The following SMOC2 variants were observed in gnomAD, a reference collection of about 807,000 sequenced individuals.
The protein encoded by SMOC2 is SPARC-related modular calcium-binding protein 2.
SMOC2 carries 39 observed loss-of-function variants against 61.4 expected under a neutral mutation model. The ratio of observed to expected loss-of-function variants is 0.64; its 90% CI spans 0.49 to 0.83. The LOEUF (loss-of-function observed/expected upper bound fraction) is 0.83, where lower values mean the gene tolerates loss of function less well. SMOC2 is among the 40% of genes least tolerant of loss of function. The pLI, the probability that SMOC2 is intolerant of heterozygous loss-of-function variation, is 0.00. For missense variants in SMOC2, 556 were observed against 592.9 expected, an observed-to-expected ratio of 0.94 and a Z score of 0.65; for synonymous variants, 247 against 239.9, an observed-to-expected ratio of 1.03 and a Z score of -0.27.
At chr6:168,529,284 T>A (rs560653756) in intron 4 of SMOC2, among the ~76,000 whole-genome samples, 3 of 152,152 alleles carry the variant, frequency 2.0e-5, no homozygotes, top group Non-Finnish European at 4.4e-5. Context: ...CCTTTGCATA[T>A]AGAAGTCTGG....
At chr6:168,658,999 G>A (rs1787401942) in intron 11 of SMOC2, among the ~76,000 whole-genome samples, 2 of 142,936 alleles carry the variant, frequency 1.4e-5, no homozygotes, top group Admixed American at 7.1e-5. Flanking sequence ...GTAAATATGG[G>A]GTGTGTGTGT....
intron 2 of SMOC2, among the ~76,000 whole-genome samples, chr6:168,523,010 A>G (rs1783365824): frequency 6.6e-6 from 1 of 151,564 alleles, no homozygotes. Flanking sequence ...AATGTGCTAC[A>G]TGCCACTGAA....
intron 1 of SMOC2, among the ~76,000 whole-genome samples, chr6:168,492,748 C>A (rs1782497180): frequency 6.6e-6 from 1 of 152,208 alleles, no homozygotes; most frequent in Non-Finnish European, 1.5e-5. Flanking sequence ...TGACCAGAGG[C>A]ACATACCTGT....
chr6:168,545,233 A>G (rs886367146), intron 5 of SMOC2, among the ~76,000 whole-genome samples: 1 of 150,502 alleles, frequency 6.6e-6, no homozygotes, highest in Non-Finnish European at 1.5e-5. Flanking sequence ...AATCCTGTTT[A>G]TTATGATATT....
intron 9 of SMOC2, among the ~76,000 whole-genome samples, chr6:168,624,796 G>A (rs9456253): frequency 8.8e-6 from 1 of 113,684 alleles, no homozygotes; most frequent in Non-Finnish European, 1.9e-5. Context: ...GATACACACA[G>A]ACACATGCAC....
intron 2 of SMOC2, among the ~76,000 whole-genome samples, chr6:168,512,905 AAAC>A (rs1235945074): frequency 1.3e-5 from 2 of 152,268 alleles, no homozygotes; most frequent in Non-Finnish European, 2.9e-5. Context: ...CCCAAATAGA[AAAC>A]AACAACACTT....
intron 1 of SMOC2, among the ~76,000 whole-genome samples, chr6:168,471,763 A>G (rs1781972216): frequency 1.3e-5 from 2 of 151,958 alleles, no homozygotes; most frequent in Non-Finnish European, 2.9e-5. Context: ...GTATGTATTT[A>G]TTTTTGGATA....
At chr6:168,542,463 A>G (rs958657286) in intron 4 of SMOC2, among the ~76,000 whole-genome samples, 3 of 152,218 alleles carry the variant, frequency 2.0e-5, no homozygotes, top group African/African-American at 7.2e-5. Flanking sequence ...CATATTATTT[A>G]GTTATTTTTA....
At chr6:168,517,881 G>T (rs904565604) in intron 2 of SMOC2, among the ~76,000 whole-genome samples, 1 of 152,224 alleles carries the variant, frequency 6.6e-6, no homozygotes. Flanking sequence ...CCGATGCCCA[G>T]CCCAGCTCCA....
chr6:168,597,169 T>G (rs931334628), intron 7 of SMOC2, among the ~76,000 whole-genome samples: 30 of 152,230 alleles, frequency 2.0e-4, no homozygotes, highest in African/African-American at 7.2e-4. Flanking sequence ...AAAGGTAACA[T>G]TTGTTTTTAC....
chr6:168,609,104 A>G (rs1297570084), intron 9 of SMOC2, among the ~76,000 whole-genome samples: 2 of 152,242 alleles, frequency 1.3e-5, no homozygotes, highest in East Asian at 1.9e-4. Flanking sequence ...TACATGTTTC[A>G]TTGCTACGTG....
At position 168,456,739 on chromosome 6, in the gene SMOC2, C is replaced by G. The variant is rs541968240; in HGVS notation, c.84+15285C>G. 2.2e-4 allele frequency among the ~76,000 whole-genome samples: 34 copies of G among 152,286 alleles called. 1 individual carries two copies. In the South Asian group the frequency reaches 6.8e-3, roughly 31 times the overall value. ...CTTCCAGATTGTGGGACATCAGGTA[C>G]TGTTAACAGGAGGAGAAGGTGGGAT... On this transcript the variant is annotated intron_variant, in intron 1 of 12. Coordinates refer to ENST00000356284, the MANE Select transcript of SMOC2 (RefSeq NM_001166412.2).
At chr6:168,523,379 C>T (rs1275558076) in intron 2 of SMOC2, among the ~76,000 whole-genome samples, 12 of 147,726 alleles carry the variant, frequency 8.1e-5, no homozygotes, top group South Asian at 4.4e-4. Flanking sequence ...TGAGCCACCG[C>T]GCCCGGCCAG....
At chr6:168,552,249 T>C (rs6900855) in intron 7 of SMOC2, among the ~76,000 whole-genome samples, 28,091 of 152,234 alleles carry the variant, frequency 0.18, 2,680 homozygotes, top group African/African-American at 0.19. Context: ...ACCACTCTTA[T>C]TGAAATTTCA....
intron 1 of SMOC2, among the ~76,000 whole-genome samples, chr6:168,465,048 C>T (rs896557007): frequency 1.3e-5 from 2 of 151,872 alleles, no homozygotes; most frequent in African/African-American, 4.8e-5. Flanking sequence ...CACCTTGCCC[C>T]ACACAGACCT....
At chr6:168,511,975 G>A (rs1783020445) in intron 2 of SMOC2, among the ~76,000 whole-genome samples, 1 of 152,078 alleles carries the variant, frequency 6.6e-6, no homozygotes, top group Non-Finnish European at 1.5e-5. Context: ...TACATCTGAG[G>A]GCACAAGAGA....
chr6:168,499,203 G>A (rs1051558332), intron 1 of SMOC2, among the ~76,000 whole-genome samples: 5 of 152,210 alleles, frequency 3.3e-5, no homozygotes, highest in African/African-American at 1.2e-4. Flanking sequence ...GCCAGTCTCT[G>A]GGGGTGGAGA....
intron 7 of SMOC2, among the ~76,000 whole-genome samples, chr6:168,579,848 A>G (rs1009705948): frequency 1.3e-5 from 2 of 152,182 alleles, no homozygotes; most frequent in Non-Finnish European, 2.9e-5. Context: ...CTAAGGAGAG[A>G]ATGGAATCAG....
At chr6:168,497,938 C>T (rs1439849578) in intron 1 of SMOC2, among the ~76,000 whole-genome samples, 1 of 152,144 alleles carries the variant, frequency 6.6e-6, no homozygotes, top group African/African-American at 2.4e-5. Context: ...GGACTTTATG[C>T]AGAGATCAGA....
Sources: allele counts gnomAD v4.1 joint callset (sites outside exome capture counted in the v4.1 genomes callset), GRCh38; gene constraint gnomAD v4.1.1; transcripts MANE v1.5; gene names NCBI Gene and HGNC (gene_info 2026-07-23, HGNC 2026-07-21).